FHIT: variants seen among roughly 807,000 people sequenced by gnomAD.
FHIT encodes fragile histidine triad diadenosine triphosphatase, also known as bis(5'-adenosyl)-triphosphatase.
In FHIT, 19 loss-of-function variants were observed where a neutral mutation model predicts 17.9. The ratio of observed to expected loss-of-function variants is 1.06; its 90% CI spans 0.74 to 1.56. The LOEUF (loss-of-function observed/expected upper bound fraction) is 1.56, where lower values mean the gene tolerates loss of function less well. Ranked by LOEUF, FHIT falls within the 40% of genes most tolerant of loss-of-function variation. The pLI, the probability that FHIT is intolerant of heterozygous loss-of-function variation, is 0.00. For synonymous variants in FHIT, 81 were observed against 69.7 expected, an observed-to-expected ratio of 1.16 and a Z score of -0.81; for missense variants, 248 against 189.2, an observed-to-expected ratio of 1.31 and a Z score of -1.82.
At chr3:60,065,240 T>C (rs1439036099) in intron 5 of FHIT, among the ~76,000 whole-genome samples, 2 of 152,178 alleles carry the variant, frequency 1.3e-5, no homozygotes, top group South Asian at 2.1e-4. Context: ...AGGAACCTTA[T>C]GAGCTAGAAT....
At chr3:60,448,922 G>A (rs1256276896) in intron 5 of FHIT, among the ~76,000 whole-genome samples, 1 of 152,072 alleles carries the variant, frequency 6.6e-6, no homozygotes, top group Non-Finnish European at 1.5e-5. Flanking sequence ...AATTCCTATG[G>A]GGCTAAGAAG....
chr3:60,325,061 C>T (rs1408279097), intron 5 of FHIT, among the ~76,000 whole-genome samples: 1 of 151,810 alleles, frequency 6.6e-6, no homozygotes, highest in African/African-American at 2.4e-5. Flanking sequence ...TAATATTTTC[C>T]AAAGAGCAGG....
At chr3:61,208,327 A>T (rs541977937) in intron 1 of FHIT, among the ~76,000 whole-genome samples, 1 of 152,214 alleles carries the variant, frequency 6.6e-6, no homozygotes, top group Admixed American at 6.5e-5. Context: ...GATGTCTATT[A>T]GGTCCGCTTG....
intron 2 of FHIT, among the ~76,000 whole-genome samples, chr3:61,186,830 C>A (rs751133468): frequency 6.6e-6 from 1 of 152,196 alleles, no homozygotes; most frequent in Non-Finnish European, 1.5e-5. Flanking sequence ...ACTCTGAACT[C>A]TCTTCACCCA....
chr3:59,803,375 G>A (rs590581), intron 8 of FHIT, among the ~76,000 whole-genome samples: 117,160 of 152,070 alleles, frequency 0.77, 46,479 homozygotes, highest in Middle Eastern at 0.93. Flanking sequence ...ATCTCCTGGT[G>A]CTCATTAGTG....
At chr3:59,896,382 T>C (rs1261701126) in intron 8 of FHIT, among the ~76,000 whole-genome samples, 1 of 151,916 alleles carries the variant, frequency 6.6e-6, no homozygotes, top group Non-Finnish European at 1.5e-5. Flanking sequence ...TACAAAAGAG[T>C]TGCCTAGAAT....
intron 5 of FHIT, among the ~76,000 whole-genome samples, chr3:60,406,532 CT>C (rs1195836116): frequency 6.6e-6 from 1 of 152,178 alleles, no homozygotes; most frequent in Middle Eastern, 3.2e-3. Context: ...CCTTTATTAG[CT>C]TCCTTTCTTT....
rs140134148 is a variant in FHIT, at chr3:61,054,327, A to G, written c.-163-12228T>C. On this transcript the variant is annotated intron_variant, in intron 2 of 9. Transcript: ENST00000492590. ...GCTATAATTGAGTGATGTCAACTCA[A>G]TATAATTTGTAATGTTTTTGTAACA... Among the ~76,000 whole-genome samples the G allele has an allele frequency of 1.2e-3, 188 of 151,788 alleles. 5 individuals carry two copies. The highest frequency in any genetic ancestry group is 4.9e-3 in the East Asian group (25 of 5,100).
intron 2 of FHIT, among the ~76,000 whole-genome samples, chr3:61,184,805 G>C (rs1200238553): frequency 1.3e-5 from 2 of 152,150 alleles, no homozygotes; most frequent in African/African-American, 4.8e-5. Flanking sequence ...GTGGCCTCTA[G>C]ACCTCAGAAT....
At chr3:60,010,855 A>G (rs966374472) in intron 7 of FHIT, among the ~76,000 whole-genome samples, 2 of 152,168 alleles carry the variant, frequency 1.3e-5, no homozygotes, top group Non-Finnish European at 2.9e-5. Flanking sequence ...ACAGGGAGGA[A>G]AAGAGTAGGT....
intron 5 of FHIT, among the ~76,000 whole-genome samples, chr3:60,162,024 C>G (rs1025617659): frequency 6.6e-6 from 1 of 152,056 alleles, no homozygotes; most frequent in Non-Finnish European, 1.5e-5. Flanking sequence ...AGCCACAGTA[C>G]AGGACAGATC....
At chr3:60,458,135 T>C (rs1280169950) in intron 5 of FHIT, among the ~76,000 whole-genome samples, 3 of 152,140 alleles carry the variant, frequency 2.0e-5, no homozygotes, top group African/African-American at 7.2e-5. Flanking sequence ...CATGCACACG[T>C]ATGTTTATTG....
At chr3:60,623,894 C>T (rs1029316853) in intron 4 of FHIT, among the ~76,000 whole-genome samples, 2 of 152,108 alleles carry the variant, frequency 1.3e-5, no homozygotes, top group Non-Finnish European at 2.9e-5. Context: ...CCCTCCATAC[C>T]CCCCACTTCA....
intron 5 of FHIT, among the ~76,000 whole-genome samples, chr3:60,091,431 C>T (rs1198430629): frequency 6.6e-6 from 1 of 152,168 alleles, no homozygotes; most frequent in Non-Finnish European, 1.5e-5. Flanking sequence ...CACTTGTTGG[C>T]ACCTGGAGTG....
intron 5 of FHIT, among the ~76,000 whole-genome samples, chr3:60,452,986 A>C (rs1455024426): frequency 1.3e-5 from 2 of 152,252 alleles, no homozygotes; most frequent in African/African-American, 4.8e-5. Context: ...GATTTGCAAC[A>C]GCAAAGAATG....
In FHIT at chr3:60,415,521, C is replaced by A. The variant is rs554474564; in HGVS notation, c.103+121339G>T. On this transcript the variant is annotated intron_variant, in intron 5 of 9. Transcript: ENST00000492590. ...TTTGGCCTTTTAAAATAAAGAGAAA[C>A]AGAGTGTAATCATATCTTGAGACTC... is the stretch of plus-strand genomic sequence containing the variant. Among the ~76,000 whole-genome samples the A allele has an allele frequency of 2.0e-5, 3 of 152,090 alleles. No homozygotes were observed. In the East Asian group the frequency reaches 5.8e-4, roughly 29 times the overall value.
At chr3:60,322,398 AT>A (rs2106810545) in intron 5 of FHIT, among the ~76,000 whole-genome samples, 1 of 152,296 alleles carries the variant, frequency 6.6e-6, no homozygotes, top group East Asian at 1.9e-4. Context: ...ATTATACCCA[AT>A]TACAGTTTGA....
chr3:59,927,463 T>TAA lies in FHIT; in HGVS notation c.280-5051_280-5050dup, dbSNP rs58083993. ...ATTATATCTCAATAAAGCTATTACT[T>TAA]AAAAAAAAAAAAAAAAACTGAAGGC... is the stretch of plus-strand genomic sequence containing the variant. On this transcript the variant is annotated intron_variant, in intron 7 of 9. Transcript: ENST00000492590. Among the ~76,000 whole-genome samples the TAA allele has an allele frequency of 3.5e-4, 46 of 130,236 alleles. 1 individual carries two copies. The highest frequency in any genetic ancestry group is 3.8e-4 in the Non-Finnish European group (24 of 63,680). 85.4% of individuals were successfully genotyped at this position (130,236 alleles called of 152,430 possible). A position where few individuals can be genotyped will look rare whatever the true frequency, so the allele number is the denominator to read the frequency against.
At chr3:60,690,228 G>C in intron 4 of FHIT, 6 of 518,010 alleles carry the variant, frequency 1.2e-5, no homozygotes, top group South Asian at 9.2e-5. Context: ...AAACTTATTA[G>C]AGCTGTCCAC....
Sources: gnomAD v4.1 joint callset for allele counts (sites outside exome capture counted in the v4.1 genomes callset) on GRCh38, gnomAD v4.1.1 for gene constraint, MANE v1.5 for transcripts, NCBI Gene and HGNC (gene_info 2026-07-23, HGNC 2026-07-21) for gene names.